CNTN5: variants seen among roughly 807,000 people sequenced by gnomAD.
CNTN5 encodes the protein contactin-5.
CNTN5 carries 77 observed loss-of-function variants against 129.1 expected under a neutral mutation model. The ratio of observed to expected loss-of-function variants is 0.60; its 90% CI spans 0.50 to 0.72. CNTN5 has a LOEUF of 0.72. CNTN5 is among the 30% of genes least tolerant of loss of function. CNTN5 has a pLI of 0.00. For synonymous variants in CNTN5, 509 were observed against 465.6 expected, an observed-to-expected ratio of 1.09 and a Z score of -1.20; for missense variants, 1,478 against 1,328.8, an observed-to-expected ratio of 1.11 and a Z score of -1.75.
At chr11:99,997,899 A>G (rs1939564226) in intron 8 of CNTN5, among the ~76,000 whole-genome samples, 1 of 152,194 alleles carries the variant, frequency 6.6e-6, no homozygotes, top group Non-Finnish European at 1.5e-5. Flanking sequence ...AACCAAAGAC[A>G]AAAACCACAT....
In CNTN5 at chr11:99,213,378, A is replaced by G. The variant is rs530113083; in HGVS notation, c.-209-111968A>G. 2.4e-3 allele frequency among the ~76,000 whole-genome samples: 340 copies of G among 139,392 alleles called. 4 individuals carry two copies. Among genetic ancestry groups the G allele is most frequent in the African/African-American group, 9.4e-3 (326 of 34,746 alleles). The allele number at this position is 139,392 out of a possible 152,430, so 91.4% of individuals were successfully genotyped here. On this transcript the variant is annotated intron_variant, in intron 1 of 24. Coordinates refer to ENST00000524871, the MANE Select transcript of CNTN5 (RefSeq NM_014361.4). Reference sequence around the variant, plus strand: ...TATGTGTATATATGTATATATGTATATACATATATACACGTGTATATATAC... The same window carrying G: ...TATGTGTATATATGTATATATGTATGTACATATATACACGTGTATATATAC...
chr11:99,740,167 G>A (rs933636109), intron 3 of CNTN5, among the ~76,000 whole-genome samples: 2 of 152,002 alleles, frequency 1.3e-5, no homozygotes, highest in African/African-American at 4.8e-5. Flanking sequence ...AAATAGTTTT[G>A]CTTTATTTTT....
intron 3 of CNTN5, among the ~76,000 whole-genome samples, chr11:99,626,630 AT>A (rs959354820): frequency 6.6e-6 from 1 of 151,870 alleles, no homozygotes; most frequent in Non-Finnish European, 1.5e-5. Flanking sequence ...ATGTCATTTT[AT>A]TTTTTTTGTA....
intron 3 of CNTN5, among the ~76,000 whole-genome samples, chr11:99,686,214 A>G (rs1953785700): frequency 6.6e-6 from 1 of 152,016 alleles, no homozygotes; most frequent in Admixed American, 6.6e-5. Context: ...TGACCCACCA[A>G]TTTATCCACT....
chr11:100,089,774 C>T (rs965225136), intron 13 of CNTN5, among the ~76,000 whole-genome samples: 3 of 152,078 alleles, frequency 2.0e-5, no homozygotes, highest in Non-Finnish European at 4.4e-5. Context: ...AAGCCATTAT[C>T]CTCAGCAAAC....
chr11:99,528,360 G>A (rs1036303992), intron 2 of CNTN5, among the ~76,000 whole-genome samples: 9 of 152,178 alleles, frequency 5.9e-5, no homozygotes, highest in Admixed American at 1.3e-4. Flanking sequence ...TTACGAGCAC[G>A]TGAATTGTAT....
intron 1 of CNTN5, among the ~76,000 whole-genome samples, chr11:99,103,756 G>T (rs1187199105): frequency 6.9e-6 from 1 of 144,998 alleles, no homozygotes; most frequent in Non-Finnish European, 1.5e-5. Flanking sequence ...CTAATGATAG[G>T]TGTCCTTCAA....
At chr11:99,707,519 TAAC>T (rs1423797031) in intron 3 of CNTN5, among the ~76,000 whole-genome samples, 1 of 151,694 alleles carries the variant, frequency 6.6e-6, no homozygotes, top group Admixed American at 6.6e-5. Flanking sequence ...GTGAAGATAA[TAAC>T]AAACTAAAAA....
At chr11:99,421,084 G>T (rs1942867287) in intron 2 of CNTN5, among the ~76,000 whole-genome samples, 1 of 150,866 alleles carries the variant, frequency 6.6e-6, no homozygotes, top group South Asian at 2.1e-4. Flanking sequence ...TGAATAAGAA[G>T]AACTTTTGTT....
At chr11:99,594,004 T>G (rs539140234) in intron 3 of CNTN5, among the ~76,000 whole-genome samples, 1 of 152,338 alleles carries the variant, frequency 6.6e-6, no homozygotes, top group East Asian at 1.9e-4. Flanking sequence ...GATTTTTCCC[T>G]CTTTAGAATT....
chr11:100,340,743 A>C (rs986251222), intron 22 of CNTN5, 94 bp downstream of exon 22: 2 of 1,122,998 alleles, frequency 1.8e-6, no homozygotes, highest in African/African-American at 1.6e-5. Flanking sequence ...AAGCAGAGTC[A>C]AAGGGGAGTT....
intron 2 of CNTN5, among the ~76,000 whole-genome samples, chr11:99,435,254 T>A (rs1335156752): frequency 6.6e-6 from 1 of 152,164 alleles, no homozygotes; most frequent in Non-Finnish European, 1.5e-5. Flanking sequence ...TTTCAAGACA[T>A]CATACTTATG....
intron 15 of CNTN5, among the ~76,000 whole-genome samples, chr11:100,201,227 A>G (rs1430011752): frequency 6.6e-6 from 1 of 151,992 alleles, no homozygotes; most frequent in South Asian, 2.1e-4. Flanking sequence ...ATACATAACA[A>G]ACTTCTCATG....
intron 18 of CNTN5, among the ~76,000 whole-genome samples, chr11:100,282,554 T>G (rs993574526): frequency 1.3e-5 from 2 of 152,184 alleles, no homozygotes; most frequent in African/African-American, 4.8e-5. Context: ...CAGCAGTCGA[T>G]CTCACCTATG....
chr11:100,158,951 C>T (rs1382815422), intron 13 of CNTN5, among the ~76,000 whole-genome samples: 4 of 151,814 alleles, frequency 2.6e-5, no homozygotes, highest in East Asian at 3.9e-4. Flanking sequence ...AAATTCATGA[C>T]AGTGTATTCA....
intron 1 of CNTN5, among the ~76,000 whole-genome samples, chr11:99,157,129 G>T (rs933476568): frequency 1.1e-4 from 17 of 151,974 alleles, no homozygotes; most frequent in Non-Finnish European, 1.8e-4. Context: ...TATCTTAAAA[G>T]TCATTGGGTT....
intron 1 of CNTN5, among the ~76,000 whole-genome samples, chr11:99,312,757 C>G (rs1402819727): frequency 6.6e-6 from 1 of 151,274 alleles, no homozygotes; most frequent in Non-Finnish European, 1.5e-5. Flanking sequence ...TTATTATATT[C>G]CAAAAAATCC....
intron 1 of CNTN5, among the ~76,000 whole-genome samples, chr11:99,086,236 A>G (rs758064526): frequency 6.6e-5 from 10 of 152,224 alleles, no homozygotes; most frequent in Non-Finnish European, 1.3e-4. Flanking sequence ...CCAGCCCTGA[A>G]CAGGGTGCCA....
intron 2 of CNTN5, among the ~76,000 whole-genome samples, chr11:99,336,478 T>G (rs1453000231): frequency 6.6e-6 from 1 of 152,212 alleles, no homozygotes; most frequent in Non-Finnish European, 1.5e-5. Flanking sequence ...AGAAATATTA[T>G]TGTGAAATAA....
Sources: allele counts gnomAD v4.1 joint callset (sites outside exome capture counted in the v4.1 genomes callset), GRCh38; gene constraint gnomAD v4.1.1; transcripts MANE v1.5; gene names NCBI Gene and HGNC (gene_info 2026-07-23, HGNC 2026-07-21).